The following MPHOSPH8 variants were observed in gnomAD, a reference collection of about 807,000 sequenced individuals.
MPHOSPH8 encodes M-phase phosphoprotein, mpp.
A neutral mutation model predicts 87.3 loss-of-function variants in MPHOSPH8; 45 were observed. The observed-to-expected ratio is 0.52, with a 90% CI of 0.41 to 0.66. The LOEUF (loss-of-function observed/expected upper bound fraction) is 0.66. Among genes scored for constraint, MPHOSPH8 ranks in the 30% least tolerant of loss-of-function variants. The pLI is 0.00. For missense variants in MPHOSPH8, 883 were observed against 1,020.2 expected, an observed-to-expected ratio of 0.87 and a Z score of 1.83; for synonymous variants, 366 against 376.9, an observed-to-expected ratio of 0.97 and a Z score of 0.33.
chr13:19,671,495 C>T (rs1876123593), intron 13 of MPHOSPH8, among the ~76,000 whole-genome samples: 1 of 152,162 alleles, frequency 6.6e-6, no homozygotes, highest in African/African-American at 2.4e-5. Flanking sequence ...TAGGTTGCAG[C>T]TGAGAAAGAT....
At chr13:19,659,379 A>G (rs934228557) in intron 7 of MPHOSPH8, 90 bp downstream of exon 7, 10 of 1,122,062 alleles carry the variant, frequency 8.9e-6, no homozygotes, top group Non-Finnish European at 1.3e-5. Flanking sequence ...TTTAATTACA[A>G]AAGGCTGGGC....
chr13:19,652,751 G>C (rs1031421664), intron 5 of MPHOSPH8, among the ~76,000 whole-genome samples: 1 of 152,114 alleles, frequency 6.6e-6, no homozygotes, highest in African/African-American at 2.4e-5. Flanking sequence ...TGGGAGGAGG[G>C]GTGTCCGCCA....
rs566367282 is a variant in MPHOSPH8, at chr13:19,634,533, G to T, written c.213+572G>T. On this transcript the variant is annotated intron_variant, in intron 1 of 13. Transcript: ENST00000361479. ...CTTGGAATTCATCACACCATGCCTT[G>T]GTGTTTCCTGTTCTCCTGGCCTGGA... 7.2e-5 allele frequency among the ~76,000 whole-genome samples: 11 copies of T among 152,202 alleles called. No individual in the cohort carries two copies. In the South Asian group the frequency reaches 1.0e-3, roughly 14 times the overall value.
rs1876218767 is a variant in MPHOSPH8 at position 19,672,946 on chromosome 13, C to G, written c.*1071C>G. The G allele has an allele frequency of 5.2e-6, 2 of 382,960 alleles. No individual in the cohort carries two copies. The highest frequency in any genetic ancestry group is 5.0e-6 in the Non-Finnish European group (1 of 199,148). The allele number at this position is 382,960 out of a possible 1,614,324, so 23.7% of individuals were successfully genotyped here. The stretch of plus-strand genomic sequence containing the variant: ...TGGAACAAGCCTGTAGTCCCAGATA[C>G]TCAGGAGGCTGAGGTGAAAGGATTG... On this transcript the variant is annotated 3_prime_UTR_variant, in exon 14 of 14. Coordinates refer to ENST00000361479, the MANE Select transcript of MPHOSPH8 (RefSeq NM_017520.4).
intron 1 of MPHOSPH8, among the ~76,000 whole-genome samples, chr13:19,641,072 G>A (rs763652351): frequency 3.9e-5 from 6 of 151,976 alleles, no homozygotes; most frequent in South Asian, 2.1e-4. Flanking sequence ...CAAGAATTAC[G>A]TACTGCTTTA....
chr13:19,671,583 G>A (rs969731136), intron 13 of MPHOSPH8, among the ~76,000 whole-genome samples: 6 of 152,056 alleles, frequency 3.9e-5, no homozygotes, highest in African/African-American at 9.7e-5. Context: ...TCTTTAGGCC[G>A]GTCCCTAACC....
Position 19,671,816 on chromosome 13 carries a change from GTTC to G in MPHOSPH8, c.2542-15_2542-13del, listed in dbSNP as rs1565946005. The G allele has an allele frequency of 1.2e-6, 2 of 1,613,542 alleles. No homozygotes were observed. Among genetic ancestry groups the G allele is most frequent in the Non-Finnish European group, 1.7e-6 (2 of 1,179,486 alleles). ...AATCTGGATCTGTACTGACACCTGC[GTTC>G]TTTTCTTTCAACAGGTTAAGTTGCT... On this transcript the variant is annotated splice_polypyrimidine_tract_variant and intron_variant, in intron 13 of 13. Coordinates refer to ENST00000361479, the MANE Select transcript of MPHOSPH8 (RefSeq NM_017520.4).
At chr13:19,670,785 G>C in intron 12 of MPHOSPH8, 1 of 1,205,636 alleles carries the variant, frequency 8.3e-7, no homozygotes, top group Non-Finnish European at 1.1e-6. Flanking sequence ...TCTGTCATTT[G>C]TATATTTTTA....
chr13:19,641,638 G>A (rs558746590), intron 1 of MPHOSPH8, among the ~76,000 whole-genome samples: 58 of 151,734 alleles, frequency 3.8e-4, no homozygotes, highest in Middle Eastern at 3.4e-3. Flanking sequence ...GATTACAGGC[G>A]CCCACCACCA....
chr13:19,654,173 A>T (rs1186180717), intron 5 of MPHOSPH8, among the ~76,000 whole-genome samples: 1 of 152,242 alleles, frequency 6.6e-6, no homozygotes, highest in African/African-American at 2.4e-5. Context: ...CGGGTTACCC[A>T]CAAAGGGAAG....
At chr13:19,658,795 T>C (rs779669940) in intron 5 of MPHOSPH8, among the ~76,000 whole-genome samples, 200 bp from the exon 6 acceptor site, 8 of 152,238 alleles carry the variant, frequency 5.3e-5, no homozygotes, top group African/African-American at 1.2e-4. Flanking sequence ...CAGAGTACCA[T>C]GGCTTCTAAA....
At chr13:19,648,814 T>G (rs1417860516) in intron 4 of MPHOSPH8, among the ~76,000 whole-genome samples, 1 of 152,122 alleles carries the variant, frequency 6.6e-6, no homozygotes, top group Non-Finnish European at 1.5e-5. Context: ...AATACGCATT[T>G]TGGATCACTT....
chr13:19,650,345 A>G (rs994491058), intron 5 of MPHOSPH8, 85 bp downstream of exon 5: 6 of 1,419,214 alleles, frequency 4.2e-6, no homozygotes, highest in African/African-American at 1.4e-5. Flanking sequence ...TCTGATCTCA[A>G]CGATCAAAAA....
intron 1 of MPHOSPH8, among the ~76,000 whole-genome samples, chr13:19,635,296 G>A (rs1873946584): frequency 6.6e-6 from 1 of 152,146 alleles, no homozygotes; most frequent in Non-Finnish European, 1.5e-5. Flanking sequence ...CAAGGCGGAC[G>A]GATCACGAGG....
At chr13:19,636,844 G>GTC (rs775560395) in intron 1 of MPHOSPH8, among the ~76,000 whole-genome samples, 107 of 152,046 alleles carry the variant, frequency 7.0e-4, no homozygotes, top group African/African-American at 2.5e-3. Flanking sequence ...TAGAATAGGG[G>GTC]TCTGCCTTTT....
chr13:19,660,144 T>TC (rs1221088081), intron 7 of MPHOSPH8, among the ~76,000 whole-genome samples: 1 of 151,158 alleles, frequency 6.6e-6, no homozygotes, highest in Non-Finnish European at 1.5e-5. Flanking sequence ...GTATTTTTTT[T>TC]TTTTTAGTAG....
intron 7 of MPHOSPH8, among the ~76,000 whole-genome samples, chr13:19,660,035 C>T (rs1345484070): frequency 1.4e-5 from 2 of 143,950 alleles, no homozygotes; most frequent in South Asian, 4.5e-4. Context: ...GATCTCAGCT[C>T]ACTGCAAGCT....
chr13:19,659,141 TG>T (rs756483315), intron 6 of MPHOSPH8, 21 bp downstream of exon 6: 1 of 1,611,918 alleles, frequency 6.2e-7, no homozygotes. Context: ...TTGGAAATAT[TG>T]AAATCCCTTT....
Position 19,633,888 on chromosome 13 carries a change from C to T in MPHOSPH8, c.140C>T (p.Ala47Val). The stretch of plus-strand genomic sequence containing the variant: ...GACGCAGCCGCGAGAGGAGCGGAGG[C>T]CTTTGGCGACAGTGAGGAGGACGGA... The part of the protein sequence containing the change: ...DNDAAARGAE[A>V]FGDSEEDGED... Residue 47 changes from alanine (A) to valine (V), a missense_variant, in exon 1 of 14, where the codon GCC becomes GTC. Ala to Val is a moderately conservative substitution (Grantham distance 64). This residue lies in a region of MPHOSPH8 where 103 missense variants were observed against 96.3 expected (regional missense o/e 1.07). Transcript: ENST00000361479. The T allele has an allele frequency of 6.2e-7, 1 of 1,611,656 alleles. No individual in the cohort carries two copies. The highest frequency in any genetic ancestry group is 8.5e-7 in the Non-Finnish European group (1 of 1,179,222).
Sources: allele counts gnomAD v4.1 joint callset (sites outside exome capture counted in the v4.1 genomes callset), GRCh38; gene constraint gnomAD v4.1.1; regional missense constraint gnomAD v4.1.1; transcripts MANE v1.5; gene names NCBI Gene and HGNC (gene_info 2026-07-23, HGNC 2026-07-21).